SNTB1: variants seen among roughly 807,000 people sequenced by gnomAD.
The protein encoded by SNTB1 is syntrophin beta 1.
A neutral mutation model predicts 48.9 loss-of-function variants in SNTB1; 36 were observed. That is an observed-to-expected ratio of 0.74 (90% confidence interval 0.56 to 0.97). SNTB1 has a LOEUF of 0.97. Among genes scored for constraint, SNTB1 ranks in the 50% least tolerant of loss-of-function variants. The pLI is 0.00. For synonymous variants in SNTB1, 299 were observed against 294.6 expected (o/e 1.01, Z -0.15); for missense variants, 786 against 703.4 (o/e 1.12, Z -1.33).
Position 120,617,504 on chromosome 8 carries a change from C to T in SNTB1, c.996+14940G>A, listed in dbSNP as rs547913027. On this transcript the variant is annotated intron_variant, in intron 3 of 6. Coordinates refer to ENST00000517992, the MANE Select transcript of SNTB1 (RefSeq NM_021021.4). ...CAGATTTATAAATACTGGGTGAAGACTGAATTGATATGTAAAACTCACTAG... is the reference window on the plus strand; with the variant it reads ...CAGATTTATAAATACTGGGTGAAGATTGAATTGATATGTAAAACTCACTAG... 2.5e-4 allele frequency among the ~76,000 whole-genome samples: 38 copies of T among 152,230 alleles called. 1 individual carries two copies. The highest frequency in any genetic ancestry group is 2.0e-3 in the Admixed American group (30 of 15,294).
At chr8:120,599,860 T>C (rs2130717438) in intron 3 of SNTB1, among the ~76,000 whole-genome samples, 1 of 152,326 alleles carries the variant, frequency 6.6e-6, no homozygotes, top group East Asian at 1.9e-4. Flanking sequence ...TTAATGTGGA[T>C]GCTAGTGACA....
At chr8:120,754,491 AAAG>A (rs529602218) in intron 1 of SNTB1, among the ~76,000 whole-genome samples, 1 of 152,270 alleles carries the variant, frequency 6.6e-6, no homozygotes, top group Non-Finnish European at 1.5e-5. Context: ...ATCAAAAAAG[AAAG>A]AAGAAGAAGA....
In SNTB1 at chr8:120,707,169, T is replaced by G. The variant is rs769594444; in HGVS notation, c.572-13261A>C. Among the ~76,000 whole-genome samples, 4 of 152,198 alleles carry G rather than the reference T, an allele frequency of 2.6e-5. No individual in the cohort carries two copies. The South Asian group carries it at 8.3e-4, about 31-fold the overall frequency. ...AAATATGCATAAGTTGCAGGGCCTT[T>G]TAGAATCTGACTATGCATCTATTTT... On this transcript the variant is annotated intron_variant, in intron 1 of 6. Transcript: ENST00000517992.
rs114602853 is a variant in SNTB1 at position 120,718,922 on chromosome 8, C to T, written c.572-25014G>A. ...TTGGCTTGACTTGGTAGGTTCAGAG[C>T]GACTGTGATACTGTGACTAGGAAAG... On this transcript the variant is annotated intron_variant, in intron 1 of 6. Transcript: ENST00000517992. Among the ~76,000 whole-genome samples, 1,064 of 152,160 alleles carry T rather than the reference C, an allele frequency of 7.0e-3. 11 individuals carry two copies. The highest frequency in any genetic ancestry group is 0.024 in the African/African-American group (996 of 41,522).
intron 1 of SNTB1, among the ~76,000 whole-genome samples, chr8:120,754,119 A>G (rs143410867): frequency 1.5e-3 from 223 of 152,296 alleles, no homozygotes; most frequent in African/African-American, 5.1e-3. Context: ...GAAACTATAA[A>G]TACATGGCCA....
At chr8:120,641,852 C>A (rs1817201892) in intron 2 of SNTB1, among the ~76,000 whole-genome samples, 1 of 152,162 alleles carries the variant, frequency 6.6e-6, no homozygotes, top group African/African-American at 2.4e-5. Flanking sequence ...ATTACTTTTG[C>A]CTCAGGCAAA....
intron 4 of SNTB1, among the ~76,000 whole-genome samples, chr8:120,572,452 A>T (rs968640966): frequency 6.6e-6 from 1 of 152,220 alleles, no homozygotes; most frequent in Non-Finnish European, 1.5e-5. Flanking sequence ...TCACTGTCAT[A>T]AAGCACAAAC....
At chr8:120,579,310 A>C (rs1468115165) in intron 3 of SNTB1, among the ~76,000 whole-genome samples, 2 of 152,192 alleles carry the variant, frequency 1.3e-5, no homozygotes, top group African/African-American at 4.8e-5. Flanking sequence ...TCCTAGCACC[A>C]CCCATGCCTC....
intron 3 of SNTB1, among the ~76,000 whole-genome samples, chr8:120,579,133 C>T (rs191694802): frequency 9.2e-5 from 14 of 152,216 alleles, no homozygotes; most frequent in African/African-American, 2.6e-4. Flanking sequence ...GCCAAGATCG[C>T]GCCATTGCAC....
intron 4 of SNTB1, among the ~76,000 whole-genome samples, chr8:120,555,236 G>A (rs1815547589): frequency 1.3e-5 from 2 of 152,180 alleles, no homozygotes; most frequent in South Asian, 4.1e-4. Flanking sequence ...GGTTTAATAG[G>A]TAGAAGAGAA....
intron 3 of SNTB1, among the ~76,000 whole-genome samples, chr8:120,624,365 G>A (rs1816841233): frequency 6.6e-6 from 1 of 152,170 alleles, no homozygotes; most frequent in Non-Finnish European, 1.5e-5. Flanking sequence ...AAGAAGCAAG[G>A]GCAAGAGAGC....
At chr8:120,644,013 T>C (rs188764262) in intron 2 of SNTB1, among the ~76,000 whole-genome samples, 201 of 152,240 alleles carry the variant, frequency 1.3e-3, no homozygotes, top group African/African-American at 4.5e-3. Flanking sequence ...TGTAGACATA[T>C]CTATATCTTA....
intron 4 of SNTB1, 23 bp downstream of exon 4, chr8:120,575,063 A>G: frequency 6.2e-7 from 1 of 1,614,096 alleles, no homozygotes; most frequent in Non-Finnish European, 8.5e-7. Context: ...AACACATCAT[A>G]CCAAACACAA....
chr8:120,626,440 T>A (rs1816884002), intron 3 of SNTB1, among the ~76,000 whole-genome samples: 1 of 152,182 alleles, frequency 6.6e-6, no homozygotes, highest in Non-Finnish European at 1.5e-5. Context: ...AAATTTTTTA[T>A]CAAAATGTTA....
chr8:120,628,872 T>C (rs886210111), intron 3 of SNTB1, among the ~76,000 whole-genome samples: 13 of 152,052 alleles, frequency 8.5e-5, no homozygotes, highest in African/African-American at 2.9e-4. Flanking sequence ...TTGTCCATAA[T>C]TGATAGCCAG....
chr8:120,724,362 T>C lies in SNTB1; in HGVS notation c.572-30454A>G, dbSNP rs79930398. ...AGAACACAGAGCCCTTCATCTTGTG[T>C]CACCTGCCAGGTAAGGGGTATGTGT... On this transcript the variant is annotated intron_variant, in intron 1 of 6. Transcript: ENST00000517992. Among the ~76,000 whole-genome samples the C allele has an allele frequency of 6.1e-3, 936 of 152,348 alleles. 7 individuals are homozygous for C. The highest frequency in any genetic ancestry group is 0.011 in the Non-Finnish European group (715 of 68,028).
chr8:120,560,469 C>A (rs7828280), intron 4 of SNTB1, among the ~76,000 whole-genome samples: 29,235 of 151,878 alleles, frequency 0.19, 2,922 homozygotes, highest in Middle Eastern at 0.3. Flanking sequence ...GGCGACAGAG[C>A]GAGACTTCGT....
chr8:120,803,021 C>CAA (rs138600845), intron 1 of SNTB1, among the ~76,000 whole-genome samples: 10 of 146,684 alleles, frequency 6.8e-5, no homozygotes, highest in African/African-American at 2.2e-4. Flanking sequence ...CAAAAAACAA[C>CAA]AAAAAAAAAA....
At chr8:120,609,732 CTCTT>C (rs1339978969) in intron 3 of SNTB1, among the ~76,000 whole-genome samples, 1 of 152,224 alleles carries the variant, frequency 6.6e-6, no homozygotes, top group African/African-American at 2.4e-5. Context: ...TGTCAAACCT[CTCTT>C]TCTGCCTGAG....
Sources: allele counts gnomAD v4.1 joint callset (sites outside exome capture counted in the v4.1 genomes callset), GRCh38; gene constraint gnomAD v4.1.1; transcripts MANE v1.5; gene names NCBI Gene and HGNC (gene_info 2026-07-23, HGNC 2026-07-21).